The following PTPRD variants were observed in gnomAD, a reference collection of about 807,000 sequenced individuals.
PTPRD encodes receptor-type tyrosine-protein phosphatase delta.
Under a neutral mutation model 214.5 loss-of-function variants are expected in PTPRD, and 34 were observed. The observed-to-expected ratio is 0.16, with a 90% CI of 0.12 to 0.21. The LOEUF (loss-of-function observed/expected upper bound fraction) is 0.21. Ranked by LOEUF, PTPRD falls within the 10% of genes least tolerant of loss-of-function variation. PTPRD has a pLI of 1.00. For synonymous variants in PTPRD, 1,128 were observed against 845.7 expected, an observed-to-expected ratio of 1.33 and a Z score of -5.79; for missense variants, 2,545 against 2,398.7, an observed-to-expected ratio of 1.06 and a Z score of -1.27.
chr9:9,241,864 T>G (rs143403349), intron 9 of PTPRD, among the ~76,000 whole-genome samples: 1 of 152,046 alleles, frequency 6.6e-6, no homozygotes, highest in Admixed American at 6.6e-5. Context: ...AATATTGTTA[T>G]GTGTGAATTT....
intron 23 of PTPRD, among the ~76,000 whole-genome samples, chr9:8,502,588 G>T (rs10815891): frequency 6.6e-6 from 1 of 151,720 alleles, no homozygotes. Context: ...TTCTGACTAG[G>T]GGTTCTTATA....
intron 11 of PTPRD, among the ~76,000 whole-genome samples, chr9:8,897,087 A>G (rs2098622466): frequency 6.6e-6 from 1 of 152,284 alleles, no homozygotes; most frequent in Middle Eastern, 3.4e-3. Context: ...GCTGATGATC[A>G]TTTTCATTAT....
chr9:9,121,718 A>T (rs2099817801), intron 10 of PTPRD, among the ~76,000 whole-genome samples: 1 of 152,140 alleles, frequency 6.6e-6, no homozygotes, highest in Non-Finnish European at 1.5e-5. Context: ...GATATGGTGC[A>T]GTGTATACTG....
intron 10 of PTPRD, among the ~76,000 whole-genome samples, chr9:9,055,896 T>C (rs1231410037): frequency 3.3e-5 from 5 of 151,716 alleles, no homozygotes; most frequent in African/African-American, 4.8e-5. Flanking sequence ...TGAACACTAG[T>C]CTGGTATTCT....
In PTPRD at chr9:8,376,856, T is replaced by C. The variant is rs541704328; in HGVS notation, c.4387-130A>G. 3.2e-6 allele frequency: 4 copies of C among 1,249,182 alleles called. No individual in the cohort carries two copies. In the African/African-American group the frequency reaches 6.0e-5, roughly 19 times the overall value. 77.4% of individuals were successfully genotyped at this position (1,249,182 alleles called of 1,614,324 possible). A position where few individuals can be genotyped will look rare whatever the true frequency, so the allele number is the denominator to read the frequency against. ...TATGTTGATCTTTTTCTGGCATGCA[T>C]TTTTGTTATCCCAATATATGTAAAT... On this transcript the variant is annotated intron_variant, in intron 37 of 45. Transcript: ENST00000381196.
intron 3 of PTPRD, among the ~76,000 whole-genome samples, chr9:10,297,260 T>C (rs977231703): frequency 1.3e-5 from 2 of 151,920 alleles, no homozygotes; most frequent in African/African-American, 4.8e-5. Context: ...TAATTTAATT[T>C]GTGGCACCAT....
chr9:8,503,761 A>G (rs2097474488), intron 23 of PTPRD, among the ~76,000 whole-genome samples: 1 of 152,252 alleles, frequency 6.6e-6, no homozygotes, highest in African/African-American at 2.4e-5. Flanking sequence ...ACACAGAGTT[A>G]ATAAGAAACA....
At chr9:10,130,927 T>A (rs918313932) in intron 3 of PTPRD, among the ~76,000 whole-genome samples, 20 of 152,010 alleles carry the variant, frequency 1.3e-4, no homozygotes, top group Admixed American at 1.2e-3. Flanking sequence ...CTTCTTAGAA[T>A]AGAGGAGACT....
intron 11 of PTPRD, among the ~76,000 whole-genome samples, chr9:8,767,287 T>A (rs896610374): frequency 1.3e-5 from 2 of 151,992 alleles, no homozygotes; most frequent in African/African-American, 4.8e-5. Flanking sequence ...CCAGCTAATT[T>A]TTGTATTTTT....
intron 33 of PTPRD, among the ~76,000 whole-genome samples, chr9:8,452,935 C>T (rs558624128): frequency 2.3e-3 from 346 of 152,252 alleles, no homozygotes; most frequent in Non-Finnish European, 3.3e-3. Context: ...GAAACATATA[C>T]TTATTAGAAA....
intron 11 of PTPRD, among the ~76,000 whole-genome samples, chr9:8,994,776 G>C (rs1210176834): frequency 6.6e-6 from 1 of 152,030 alleles, no homozygotes. Context: ...GATAAATTTG[G>C]AAAGGTAGCA....
chr9:8,794,752 A>G (rs2096358089), intron 11 of PTPRD, among the ~76,000 whole-genome samples: 1 of 152,130 alleles, frequency 6.6e-6, no homozygotes, highest in Non-Finnish European at 1.5e-5. Flanking sequence ...GCCTCAGAGG[A>G]ACTTAACAAG....
intron 6 of PTPRD, among the ~76,000 whole-genome samples, chr9:9,748,008 C>T (rs116559195): frequency 2.0e-5 from 3 of 152,210 alleles, no homozygotes; most frequent in Non-Finnish European, 2.9e-5. Flanking sequence ...AATTAGATCA[C>T]GTGGAGATCA....
chr9:9,313,998 A>C (rs1179770764), intron 9 of PTPRD, among the ~76,000 whole-genome samples: 1 of 152,156 alleles, frequency 6.6e-6, no homozygotes, highest in African/African-American at 2.4e-5. Context: ...TCATTTAGCT[A>C]GTTAAATGAG....
intron 8 of PTPRD, among the ~76,000 whole-genome samples, chr9:9,460,602 T>C (rs1199526366): frequency 6.6e-6 from 1 of 152,006 alleles, no homozygotes; most frequent in Non-Finnish European, 1.5e-5. Context: ...ATCGAAGCGA[T>C]GCAAATTAAA....
At chr9:9,802,840 T>C (rs1598287754) in intron 5 of PTPRD, among the ~76,000 whole-genome samples, 1 of 151,988 alleles carries the variant, frequency 6.6e-6, no homozygotes, top group South Asian at 2.1e-4. Context: ...AAACTTACAA[T>C]TGTTTATTCA....
intron 33 of PTPRD, among the ~76,000 whole-genome samples, chr9:8,455,065 T>C (rs952989658): frequency 2.0e-5 from 3 of 152,228 alleles, no homozygotes; most frequent in Non-Finnish European, 4.4e-5. Context: ...CCTTTCATGA[T>C]ATAAAATATC....
At chr9:10,297,833 T>C (rs933579907) in intron 3 of PTPRD, among the ~76,000 whole-genome samples, 15 of 152,126 alleles carry the variant, frequency 9.9e-5, no homozygotes, top group African/African-American at 2.7e-4. Flanking sequence ...CTTCGGATTA[T>C]GTCAGCTCTA....
rs1354736214 is a variant in PTPRD at position 8,321,477 on chromosome 9, GTGTGTGTGTGTATATATATATA to G, written c.5535-1533_5535-1512del. On this transcript the variant is annotated intron_variant, in intron 44 of 45. Transcript: ENST00000381196. Reference sequence around the variant, plus strand: ...AAGTCTTCTTTGTGTGTGTGTGTGTGTGTGTGTGTGTATATATATATATATATATATATATATATATATATAT... The same window carrying G: ...AAGTCTTCTTTGTGTGTGTGTGTGTGTATATATATATATATATATATATAT... Among the ~76,000 whole-genome samples the G allele has an allele frequency of 1.8e-3, 132 of 75,388 alleles. 2 individuals carry two copies. The highest frequency in any genetic ancestry group is 6.2e-3 in the African/African-American group (106 of 17,218). 49.5% of individuals were successfully genotyped at this position (75,388 alleles called of 152,430 possible). A position where few individuals can be genotyped will look rare whatever the true frequency, so the allele number is the denominator to read the frequency against.
Sources: allele counts gnomAD v4.1 joint callset (sites outside exome capture counted in the v4.1 genomes callset), GRCh38; gene constraint gnomAD v4.1.1; transcripts MANE v1.5; gene names NCBI Gene and HGNC (gene_info 2026-07-23, HGNC 2026-07-21).